The following SKAP1 variants were observed in gnomAD, a reference collection of about 807,000 sequenced individuals.
SKAP1 encodes the protein src kinase associated phosphoprotein 1, also known as src kinase-associated phosphoprotein 1.
In SKAP1, 44 loss-of-function variants were observed where a neutral mutation model predicts 58.5. That is an observed-to-expected ratio of 0.75 (90% CI 0.59 to 0.97). The LOEUF (loss-of-function observed/expected upper bound fraction) is 0.97. Ranked by LOEUF, SKAP1 falls within the 50% of genes least tolerant of loss-of-function variation. SKAP1 has a pLI of 0.00. For synonymous variants in SKAP1, 127 were observed against 149.7 expected (o/e 0.85, Z 1.11); for missense variants, 390 against 435.2 (o/e 0.90, Z 0.92).
chr17:48,270,945 G>C (rs537014497), intron 4 of SKAP1, among the ~76,000 whole-genome samples: 1 of 151,612 alleles, frequency 6.6e-6, no homozygotes, highest in Non-Finnish European at 1.5e-5. Context: ...AGGTTTAAGC[G>C]GGGGGAGGGG....
chr17:48,183,379 A>G (rs1349134872), intron 7 of SKAP1, among the ~76,000 whole-genome samples: 1 of 152,208 alleles, frequency 6.6e-6, no homozygotes, highest in African/African-American at 2.4e-5. Flanking sequence ...AGAAGTAAAT[A>G]AAGTACATTC....
At chr17:48,144,163 A>G (rs2063801027) in intron 11 of SKAP1, among the ~76,000 whole-genome samples, 1 of 152,224 alleles carries the variant, frequency 6.6e-6, no homozygotes, top group African/African-American at 2.4e-5. Flanking sequence ...GACCATATGC[A>G]TCCTGCTGTG....
At chr17:48,414,183 A>G (rs544173374) in intron 1 of SKAP1, among the ~76,000 whole-genome samples, 3 of 152,350 alleles carry the variant, frequency 2.0e-5, no homozygotes, top group African/African-American at 7.2e-5. Context: ...CAACAAAGGA[A>G]GTTATGGGTG....
intron 1 of SKAP1, among the ~76,000 whole-genome samples, chr17:48,422,817 T>C (rs1264435991): frequency 2.6e-5 from 4 of 152,010 alleles, no homozygotes; most frequent in African/African-American, 7.3e-5. Flanking sequence ...ATAGACGTAA[T>C]GAAAATGAGA....
intron 11 of SKAP1, among the ~76,000 whole-genome samples, chr17:48,142,152 G>A (rs2063775445): frequency 6.6e-6 from 1 of 152,136 alleles, no homozygotes; most frequent in Non-Finnish European, 1.5e-5. Flanking sequence ...CCAGCACAGA[G>A]TGGGGCCAAA....
chr17:48,338,979 C>T (rs1289953199), intron 4 of SKAP1, among the ~76,000 whole-genome samples: 1 of 152,150 alleles, frequency 6.6e-6, no homozygotes, highest in Non-Finnish European at 1.5e-5. Flanking sequence ...ACAGTAAACT[C>T]AACACCAAGT....
intron 1 of SKAP1, among the ~76,000 whole-genome samples, chr17:48,421,039 G>A (rs920527462): frequency 1.3e-5 from 2 of 152,160 alleles, no homozygotes; most frequent in Non-Finnish European, 2.9e-5. Context: ...AGGGAAAGCT[G>A]ACCTTGACAA....
intron 1 of SKAP1, among the ~76,000 whole-genome samples, chr17:48,427,994 A>G (rs2067872252): frequency 6.6e-6 from 1 of 152,224 alleles, no homozygotes; most frequent in Non-Finnish European, 1.5e-5. Flanking sequence ...ATTATTTGTA[A>G]CACAATGAAT....
chr17:48,345,538 AG>A (rs1202790100), intron 4 of SKAP1, among the ~76,000 whole-genome samples: 2 of 152,216 alleles, frequency 1.3e-5, no homozygotes, highest in Non-Finnish European at 2.9e-5. Context: ...ATTAAATAAA[AG>A]CTTCAATTCT....
intron 4 of SKAP1, among the ~76,000 whole-genome samples, chr17:48,238,524 T>C (rs2065207415): frequency 6.6e-6 from 1 of 151,924 alleles, no homozygotes; most frequent in African/African-American, 2.4e-5. Context: ...CTCAACCTCC[T>C]GAGTAGCTGG....
Position 48,374,695 on chromosome 17 carries a change from C to A in SKAP1, c.153-10881G>T, listed in dbSNP as rs77572914. Among the ~76,000 whole-genome samples, 831 of 152,290 alleles carry A rather than the reference C, an allele frequency of 5.5e-3. 7 individuals are homozygous for A. The highest frequency in any genetic ancestry group is 0.019 in the African/African-American group (795 of 41,552). ...TGTACACTAAATATTTCCTATAATT[C>A]TTTTTCTCACTTGGAAAGATTCACA... On this transcript the variant is annotated intron_variant, in intron 2 of 12. Transcript: ENST00000336915.
chr17:48,149,201 G>GACTCTGTCTAT (rs2063869180), intron 11 of SKAP1, among the ~76,000 whole-genome samples: 1 of 152,162 alleles, frequency 6.6e-6, no homozygotes, highest in Non-Finnish European at 1.5e-5. Flanking sequence ...ATTAGGAGAG[G>GACTCTGTCTAT]ACTCTGTCTA....
At chr17:48,358,275 A>C (rs907429155) in intron 3 of SKAP1, among the ~76,000 whole-genome samples, 1 of 152,250 alleles carries the variant, frequency 6.6e-6, no homozygotes, top group Non-Finnish European at 1.5e-5. Context: ...GAGTATTTTC[A>C]TAAATAAAAT....
intron 4 of SKAP1, among the ~76,000 whole-genome samples, chr17:48,273,112 G>T (rs556543399): frequency 3.3e-5 from 5 of 152,196 alleles, no homozygotes; most frequent in Middle Eastern, 6.8e-3. Context: ...TATTTCTACT[G>T]GATTTAGAAC....
intron 4 of SKAP1, among the ~76,000 whole-genome samples, chr17:48,274,407 T>A (rs1020746359): frequency 4.1e-5 from 6 of 147,214 alleles, no homozygotes; most frequent in African/African-American, 1.3e-4. Context: ...AAAAAAAAAA[T>A]TTTTTTTGGC....
intron 4 of SKAP1, among the ~76,000 whole-genome samples, chr17:48,247,415 C>G (rs1460171064): frequency 6.6e-6 from 1 of 152,202 alleles, no homozygotes; most frequent in Admixed American, 6.5e-5. Context: ...TATGCTGTCT[C>G]TTTTATGGGG....
chr17:48,330,097 T>A (rs556359369), intron 4 of SKAP1, among the ~76,000 whole-genome samples: 1 of 152,352 alleles, frequency 6.6e-6, no homozygotes, highest in Non-Finnish European at 1.5e-5. Flanking sequence ...GCCAGGCTAA[T>A]AAATCTTTTG....
At chr17:48,234,604 T>A (rs1380740402) in intron 4 of SKAP1, among the ~76,000 whole-genome samples, 1 of 152,180 alleles carries the variant, frequency 6.6e-6, no homozygotes, top group East Asian at 1.9e-4. Flanking sequence ...TTTAATCAGA[T>A]GCAATCCAAC....
intron 4 of SKAP1, among the ~76,000 whole-genome samples, chr17:48,205,019 C>CTTTCTT (rs57714722): frequency 2.4e-4 from 10 of 41,936 alleles, no homozygotes; most frequent in African/African-American, 3.9e-4. Flanking sequence ...CTTTCTTTTT[C>CTTTCTT]TTTCTTTCTT....
Sources: gnomAD v4.1 joint callset for allele counts (sites outside exome capture counted in the v4.1 genomes callset) on GRCh38, gnomAD v4.1.1 for gene constraint, MANE v1.5 for transcripts, NCBI Gene and HGNC (gene_info 2026-07-23, HGNC 2026-07-21) for gene names.